ELF1: variants seen among roughly 807,000 people sequenced by gnomAD.
ELF1 encodes E74 like ETS transcription factor 1.
A neutral mutation model predicts 59.9 loss-of-function variants in ELF1; 24 were observed. The observed-to-expected ratio is 0.40, with a 90% CI of 0.29 to 0.56. The LOEUF (loss-of-function observed/expected upper bound fraction) is 0.56. Ranked by LOEUF, ELF1 falls within the 20% of genes least tolerant of loss-of-function variation. The pLI is 0.44. For missense variants in ELF1, 627 were observed against 742.2 expected (o/e 0.84, Z 1.80); for synonymous variants, 248 against 266.2 (o/e 0.93, Z 0.67).
In ELF1 at chr13:40,933,510, T is replaced by C; in HGVS notation, c.1775A>G (p.Tyr592Cys). The C allele has an allele frequency of 6.2e-7, 1 of 1,614,252 alleles. No individual in the cohort carries two copies. The highest frequency in any genetic ancestry group is 1.1e-5 in the South Asian group (1 of 91,090). ...ATTGGAACTGGACACTACCATCACA[T>C]AAGGCTGTGGCTGCTGCTCCGTTTT... ...TEKTEQQPQP[Y>C]VMVVSSSNGF... The change falls in exon 9 of 9, where the codon TAT (tyrosine) becomes TGT (cysteine). Residue 592 changes from tyrosine to cysteine, a missense_variant. By Grantham distance (194) the Tyr-to-Cys change is radical. Transcript: ENST00000239882.
intron 1 of ELF1, among the ~76,000 whole-genome samples, chr13:41,025,510 G>C (rs370071374): frequency 1.3e-5 from 2 of 152,154 alleles, no homozygotes; most frequent in Admixed American, 1.3e-4. Context: ...ATACATTTAA[G>C]TCTTCACTGT....
intron 1 of ELF1, among the ~76,000 whole-genome samples, chr13:41,057,241 T>C (rs1877320794): frequency 6.6e-6 from 1 of 151,558 alleles, no homozygotes; most frequent in South Asian, 2.1e-4. Context: ...ACTGCAGCCT[T>C]GAACTCCTGG....
At position 40,959,027 on chromosome 13, in the gene ELF1, T is replaced by A. The variant is rs1315492530; in HGVS notation, c.73-11A>T. 6.3e-7 allele frequency: 1 copy of A among 1,585,004 alleles called. No individual in the cohort carries two copies. The highest frequency in any genetic ancestry group is 8.6e-7 in the Non-Finnish European group (1 of 1,167,546). On this transcript the variant is annotated splice_polypyrimidine_tract_variant and intron_variant, in intron 2 of 8. Coordinates refer to ENST00000239882, the MANE Select transcript of ELF1 (RefSeq NM_172373.4). ...AGCTGGATCACCAAGCTGGGAAGGG[T>A]TAGGGAGAGGAAAATGAAAACAAAG...
At chr13:40,936,462 T>A (rs1003281584) in intron 8 of ELF1, among the ~76,000 whole-genome samples, 2 of 152,068 alleles carry the variant, frequency 1.3e-5, no homozygotes, top group Non-Finnish European at 2.9e-5. Flanking sequence ...GAAAAAGATG[T>A]CCTTTTCTTG....
rs1404131864 is a variant in ELF1, at chr13:41,019,301, A to G, written c.-302T>C. ...AATCCGACAAGTTTTAGCTGTTAAA[A>G]TGGCTCCTGTAGATTGGGGAAGTGG... On this transcript the variant is annotated 5_prime_UTR_variant, in exon 1 of 9. Coordinates refer to ENST00000239882, the MANE Select transcript of ELF1 (RefSeq NM_172373.4). 3 of 985,290 alleles carry G rather than the reference A, an allele frequency of 3.0e-6. No individual in the cohort carries two copies. The highest frequency in any genetic ancestry group is 1.1e-4 in the East Asian group (1 of 8,822). The allele number at this position is 985,290 out of a possible 1,614,324, so 61.0% of individuals were successfully genotyped here.
chr13:40,953,434 C>T (rs1297371852), intron 3 of ELF1, among the ~76,000 whole-genome samples: 1 of 151,930 alleles, frequency 6.6e-6, no homozygotes. Flanking sequence ...GGTTAGTGTC[C>T]CTCTAAGATG....
chr13:41,059,719 G>A (rs1447615506), intron 1 of ELF1, among the ~76,000 whole-genome samples: 1 of 152,112 alleles, frequency 6.6e-6, no homozygotes, highest in Non-Finnish European at 1.5e-5. Flanking sequence ...ACATGCTGCT[G>A]ACACAGCTGT....
chr13:41,053,232 G>A (rs992164710), intron 1 of ELF1, among the ~76,000 whole-genome samples: 4 of 151,704 alleles, frequency 2.6e-5, no homozygotes, highest in South Asian at 2.1e-4. Context: ...TGCACGCCTG[G>A]AATCCCAGCT....
At chr13:41,043,897 C>T (rs1377101798) in intron 1 of ELF1, among the ~76,000 whole-genome samples, 1 of 152,120 alleles carries the variant, frequency 6.6e-6, no homozygotes, top group Non-Finnish European at 1.5e-5. Flanking sequence ...GCAGTATGGC[C>T]ATTTTTGCAA....
intron 1 of ELF1, among the ~76,000 whole-genome samples, chr13:41,017,903 A>T (rs1875505460): frequency 6.6e-6 from 1 of 152,348 alleles, no homozygotes; most frequent in Admixed American, 6.5e-5. Context: ...ATATGCAAAC[A>T]AAGATGATAG....
At chr13:41,032,633 T>C (rs867661650) in intron 1 of ELF1, among the ~76,000 whole-genome samples, 1 of 152,018 alleles carries the variant, frequency 6.6e-6, no homozygotes, top group African/African-American at 2.4e-5. Flanking sequence ...AAGTATCACT[T>C]GAGGCAAGGA....
chr13:41,000,237 CTTTTTTTTTTTTTTTTTTTT>C (rs55938711), intron 1 of ELF1, among the ~76,000 whole-genome samples: 1 of 54,722 alleles, frequency 1.8e-5, no homozygotes, highest in African/African-American at 7.7e-5. Flanking sequence ...TTGAACCTGG[CTTTTTTTTTTTTTTTTTTTT>C]TTTTTTTTTT....
chr13:40,987,036 C>G (rs1873589758), intron 1 of ELF1, among the ~76,000 whole-genome samples: 2 of 144,450 alleles, frequency 1.4e-5, no homozygotes, highest in South Asian at 4.4e-4. Flanking sequence ...CCCGGGTTCA[C>G]GCCATTCTCC....
intron 8 of ELF1, among the ~76,000 whole-genome samples, chr13:40,935,159 G>A (rs1349856296): frequency 6.6e-6 from 1 of 152,174 alleles, no homozygotes; most frequent in Non-Finnish European, 1.5e-5. Flanking sequence ...GATATTATGA[G>A]TCAATCTAAT....
At chr13:41,040,866 G>A (rs1876579203) in intron 1 of ELF1, among the ~76,000 whole-genome samples, 2 of 152,168 alleles carry the variant, frequency 1.3e-5, no homozygotes, top group South Asian at 2.1e-4. Flanking sequence ...TTGTTACTCG[G>A]TATTTAAGTA....
In ELF1 at chr13:40,961,565, A is replaced by G. The variant is rs1468600202; in HGVS notation, c.73-2549T>C. 2.0e-5 allele frequency among the ~76,000 whole-genome samples: 3 copies of G among 151,420 alleles called. No homozygotes were observed. In the East Asian group the frequency reaches 5.8e-4, roughly 29 times the overall value. ...GCAACACAGCAAAACCCTGTCACTG[A>G]AAAAAAAAGAAAGAAAAAAATTATA... On this transcript the variant is annotated intron_variant, in intron 2 of 8. Coordinates refer to ENST00000239882, the MANE Select transcript of ELF1 (RefSeq NM_172373.4).
chr13:41,047,416 C>T (rs1240119266), intron 1 of ELF1, among the ~76,000 whole-genome samples: 31 of 152,136 alleles, frequency 2.0e-4, no homozygotes, highest in Admixed American at 2.0e-3. Context: ...GTTTTATCTA[C>T]CTTTGGTCTT....
intron 5 of ELF1, among the ~76,000 whole-genome samples, chr13:40,948,425 C>T (rs1198225108): frequency 1.3e-5 from 2 of 152,216 alleles, no homozygotes; most frequent in Non-Finnish European, 2.9e-5. Context: ...AAGACCTAAG[C>T]TTCTGCCTCA....
chr13:41,016,044 T>C (rs888760419), intron 1 of ELF1, among the ~76,000 whole-genome samples: 2 of 152,224 alleles, frequency 1.3e-5, no homozygotes, highest in Admixed American at 1.3e-4. Flanking sequence ...TCCTTCAAGA[T>C]AAACTCTCCT....
Sources: allele counts gnomAD v4.1 joint callset (sites outside exome capture counted in the v4.1 genomes callset), GRCh38; gene constraint gnomAD v4.1.1; transcripts MANE v1.5; gene names NCBI Gene and HGNC (gene_info 2026-07-23, HGNC 2026-07-21).